The following ATXN10 variants were observed in gnomAD, a reference collection of about 807,000 sequenced individuals.
The protein encoded by ATXN10 is ataxin-10.
A neutral mutation model predicts 52.9 loss-of-function variants in ATXN10; 28 were observed. That is an observed-to-expected ratio of 0.53 (90% confidence interval 0.39 to 0.73). ATXN10 has a LOEUF of 0.73. ATXN10 is among the 30% of genes least tolerant of loss of function. The pLI is 0.00. For missense variants in ATXN10, 565 were observed against 577.0 expected (o/e 0.98, Z 0.21); for synonymous variants, 226 against 221.5 (o/e 1.02, Z -0.18).
rs1264843899 is a variant in ATXN10 at position 45,701,710 on chromosome 22, TC to T, written c.489-977del. Among the ~76,000 whole-genome samples the T allele has an allele frequency of 6.6e-6, 1 of 152,190 alleles. No homozygotes were observed. The highest frequency in any genetic ancestry group is 1.5e-5 in the Non-Finnish European group (1 of 68,026). On this transcript the variant is annotated intron_variant, in intron 4 of 11. Coordinates refer to ENST00000252934, the MANE Select transcript of ATXN10 (RefSeq NM_013236.4). The surrounding 1 kb of genome is among the most constrained non-coding windows in gnomAD (Gnocchi z 4.2). ...TGGTGGTAACTTATATATTCGTTAT[TC>T]CTGAAGGATTTCATTCTTTGGTTGG...
In ATXN10 at chr22:45,736,492, TAACACC is replaced by T. The variant is rs778324850; in HGVS notation, c.895-2238_895-2233del. Among the ~76,000 whole-genome samples the T allele has an allele frequency of 3.1e-3, 459 of 147,702 alleles. 2 individuals carry two copies. Among genetic ancestry groups the T allele is most frequent in the South Asian group, 0.011 (51 of 4,816 alleles). ...TTACAGATAAGGGCCACCTTATCTGTAACACCTTACAGATAAGGGCAAGTGATTGAC... is the reference window on the plus strand; with the variant it reads ...TTACAGATAAGGGCCACCTTATCTGTTTACAGATAAGGGCAAGTGATTGAC... On this transcript the variant is annotated intron_variant, in intron 7 of 11. Coordinates refer to ENST00000252934, the MANE Select transcript of ATXN10 (RefSeq NM_013236.4).
At chr22:45,746,155 G>GT (rs1317051589) in intron 9 of ATXN10, among the ~76,000 whole-genome samples, 1 of 151,840 alleles carries the variant, frequency 6.6e-6, no homozygotes, top group South Asian at 2.1e-4. Flanking sequence ...TCTGAATGCG[G>GT]TTTTTTCATT....
At position 45,772,891 on chromosome 22, in the gene ATXN10, A is replaced by C. The variant is rs911605876; in HGVS notation, c.1173+32353A>C. Among the ~76,000 whole-genome samples the C allele has an allele frequency of 6.6e-6, 1 of 152,248 alleles. No individual in the cohort carries two copies. Among genetic ancestry groups the C allele is most frequent in the African/African-American group, 2.4e-5 (1 of 41,470 alleles). ...TGATACAAAATGGTATGGTATTTGCATATCACCTATGTACATCCTCCCGTA... is the reference window on the plus strand; with the variant it reads ...TGATACAAAATGGTATGGTATTTGCCTATCACCTATGTACATCCTCCCGTA... On this transcript the variant is annotated intron_variant, in intron 9 of 11. Transcript: ENST00000252934. This position sits in a 1 kb window ranked among gnomAD's most constrained non-coding sequence, Gnocchi z 4.1.
chr22:45,698,202 C>T (rs1182512433), intron 3 of ATXN10, among the ~76,000 whole-genome samples: 1 of 152,056 alleles, frequency 6.6e-6, no homozygotes, highest in Admixed American at 6.6e-5. Context: ...CTCTGCTTAC[C>T]ATTTGAGGAG....
chr22:45,803,908 A>G (rs1214236469), intron 9 of ATXN10, among the ~76,000 whole-genome samples: 1 of 152,034 alleles, frequency 6.6e-6, no homozygotes, highest in African/African-American at 2.4e-5. Flanking sequence ...TCCCCCCTCC[A>G]AGACCCACTC....
At chr22:45,788,013 A>G (rs1927377739) in intron 9 of ATXN10, among the ~76,000 whole-genome samples, 1 of 152,162 alleles carries the variant, frequency 6.6e-6, no homozygotes, top group African/African-American at 2.4e-5. Flanking sequence ...AAGGTTATAC[A>G]AGGAGCACCA....
rs888583464 is a variant in ATXN10, at chr22:45,683,719, T to C, written c.117-5993T>C. ...TTCCTAAATCCACCTGGAGTTACTTTTTGGGTAGTGTAAGTAAGGATCCAA... is the reference window on the plus strand; with the variant it reads ...TTCCTAAATCCACCTGGAGTTACTTCTTGGGTAGTGTAAGTAAGGATCCAA... On this transcript the variant is annotated intron_variant, in intron 1 of 11. Transcript: ENST00000252934. The surrounding 1 kb of genome is among the most constrained non-coding windows in gnomAD (Gnocchi z 4.8). Among the ~76,000 whole-genome samples the C allele has an allele frequency of 5.3e-5, 8 of 152,238 alleles. No homozygotes were observed. The highest frequency in any genetic ancestry group is 1.2e-4 in the Non-Finnish European group (8 of 68,056).
rs113003257 is a variant in ATXN10, at chr22:45,705,440, G to GTT, written c.647+2603_647+2604dup. On this transcript the variant is annotated intron_variant, in intron 5 of 11. Transcript: ENST00000252934. The surrounding 1 kb of genome is among the most constrained non-coding windows in gnomAD (Gnocchi z 5.2). Reference sequence around the variant, plus strand: ...AACCTGTTACTTGTTACAGGTCTTGGTTTTTTTTTTTGAGACGGAGTCTCA... The same window carrying GTT: ...AACCTGTTACTTGTTACAGGTCTTGGTTTTTTTTTTTTTGAGACGGAGTCTCA... Among the ~76,000 whole-genome samples, 23 of 146,714 alleles carry GTT rather than the reference G, an allele frequency of 1.6e-4. 1 individual carries two copies. Among genetic ancestry groups the GTT allele is most frequent in the South Asian group, 8.7e-4 (4 of 4,598 alleles).
intron 10 of ATXN10, among the ~76,000 whole-genome samples, chr22:45,830,928 A>T (rs1160717319): frequency 1.3e-5 from 2 of 152,228 alleles, no homozygotes; most frequent in East Asian, 3.8e-4. Flanking sequence ...TCCTAGCAGC[A>T]TTATGTGCAG....
rs556530512 is a variant in ATXN10 at position 45,772,521 on chromosome 22, T to G, written c.1173+31983T>G. On this transcript the variant is annotated intron_variant, in intron 9 of 11. Coordinates refer to ENST00000252934, the MANE Select transcript of ATXN10 (RefSeq NM_013236.4). This position sits in a 1 kb window ranked among gnomAD's most constrained non-coding sequence, Gnocchi z 4.1. ...AATTGGGTAGTGTGATTCATCCAAC[T>G]TTATTTTAGTGATTTAATCTTCTTT... is the stretch of plus-strand genomic sequence containing the variant. Among the ~76,000 whole-genome samples, 3 of 152,256 alleles carry G rather than the reference T, an allele frequency of 2.0e-5. No individual in the cohort carries two copies. The highest frequency in any genetic ancestry group is 2.9e-5 in the Non-Finnish European group (2 of 68,046).
At chr22:45,747,758 A>C (rs1362380492) in intron 9 of ATXN10, among the ~76,000 whole-genome samples, 1 of 152,142 alleles carries the variant, frequency 6.6e-6, no homozygotes. Context: ...AAATAGGGGC[A>C]GTTACACCTC....
intron 6 of ATXN10, among the ~76,000 whole-genome samples, chr22:45,723,451 C>T (rs536124086): frequency 4.0e-5 from 6 of 151,520 alleles, no homozygotes; most frequent in South Asian, 4.2e-4. Flanking sequence ...GTGGTGAAGT[C>T]GGCGATTTTA....
chr22:45,709,295 A>G (rs1924156449), intron 5 of ATXN10, among the ~76,000 whole-genome samples: 1 of 152,198 alleles, frequency 6.6e-6, no homozygotes, highest in Non-Finnish European at 1.5e-5. Context: ...TGGATCTTTA[A>G]CAAGATAATA....
rs1340465560 is a variant in ATXN10 at position 45,762,228 on chromosome 22, C to T, written c.1173+21690C>T. On this transcript the variant is annotated intron_variant, in intron 9 of 11. Coordinates refer to ENST00000252934, the MANE Select transcript of ATXN10 (RefSeq NM_013236.4). The surrounding 1 kb of genome is among the most constrained non-coding windows in gnomAD (Gnocchi z 4.3). ...GTGTTTCTATTTATTTGCCCTTTGT[C>T]TGTTTCCCCTGACCAGCGTGCGTTT... is the stretch of plus-strand genomic sequence containing the variant. Among the ~76,000 whole-genome samples the T allele has an allele frequency of 6.6e-6, 1 of 152,172 alleles. No homozygotes were observed. Among genetic ancestry groups the T allele is most frequent in the African/African-American group, 2.4e-5 (1 of 41,424 alleles).
rs1926234187 is a variant in ATXN10, at chr22:45,757,952, A to G, written c.1173+17414A>G. Among the ~76,000 whole-genome samples, 1 of 152,232 alleles carries G rather than the reference A, an allele frequency of 6.6e-6. No homozygotes were observed. Among genetic ancestry groups the G allele is most frequent in the Non-Finnish European group, 1.5e-5 (1 of 68,036 alleles). ...CTATTTACTTCTTTTGAAATTTGTA[A>G]AAGAAGAAAAAAAGTTGAGCTTTTG... On this transcript the variant is annotated intron_variant, in intron 9 of 11. Transcript: ENST00000252934. The surrounding 1 kb of genome is among the most constrained non-coding windows in gnomAD (Gnocchi z 4.6).
intron 5 of ATXN10, among the ~76,000 whole-genome samples, chr22:45,707,650 GATATA>G (rs551683185): frequency 2.0e-5 from 3 of 148,614 alleles, no homozygotes; most frequent in African/African-American, 4.9e-5. Flanking sequence ...AATATAATAT[GATATA>G]ATATAATATA....
intron 10 of ATXN10, among the ~76,000 whole-genome samples, chr22:45,807,488 A>G (rs1055460800): frequency 3.3e-5 from 5 of 152,232 alleles, no homozygotes; most frequent in Non-Finnish European, 7.3e-5. Flanking sequence ...AGCAAGAGGA[A>G]GGAGCATCTC....
chr22:45,737,749 A>T (rs1262154520), intron 7 of ATXN10, among the ~76,000 whole-genome samples: 1 of 140,480 alleles, frequency 7.1e-6, no homozygotes, highest in East Asian at 2.1e-4. Context: ...CCCAGGCTAC[A>T]GTCCAGTGGC....
At chr22:45,821,452 A>G (rs1197964388) in intron 10 of ATXN10, among the ~76,000 whole-genome samples, 1 of 152,064 alleles carries the variant, frequency 6.6e-6, no homozygotes, top group African/African-American at 2.4e-5. Flanking sequence ...GATGATTGTG[A>G]AAGACCCCAA....
Sources: allele counts gnomAD v4.1 joint callset (sites outside exome capture counted in the v4.1 genomes callset), GRCh38; gene constraint gnomAD v4.1.1; non-coding constraint Gnocchi (gnomAD v3.1); transcripts MANE v1.5; gene names NCBI Gene and HGNC (gene_info 2026-07-23, HGNC 2026-07-21).